The following POU6F2 variants were observed in gnomAD, a reference collection of about 807,000 sequenced individuals.
The protein encoded by POU6F2 is POU domain, class 6, transcription factor 2.
Under a neutral mutation model 71.3 loss-of-function variants are expected in POU6F2, and 31 were observed. The ratio of observed to expected loss-of-function variants is 0.43; its 90% CI spans 0.33 to 0.59. The LOEUF is 0.59. Among genes scored for constraint, POU6F2 ranks in the 20% least tolerant of loss-of-function variants. The probability of loss-of-function intolerance (pLI) is 0.04; values close to 1 mark genes in which losing one functional copy is unlikely to be tolerated. For synonymous variants in POU6F2, 347 were observed against 355.7 expected (o/e 0.98, Z 0.27); for missense variants, 783 against 856.8 (o/e 0.91, Z 1.07).
chr7:38,993,996 T>C (rs1005525817), intron 1 of POU6F2, among the ~76,000 whole-genome samples: 2 of 152,204 alleles, frequency 1.3e-5, no homozygotes, highest in Non-Finnish European at 2.9e-5. Context: ...TTTGTCCACC[T>C]AGAATTCAAA....
intron 4 of POU6F2, among the ~76,000 whole-genome samples, chr7:39,211,992 C>CTTTATCTTTA (rs1431725296): frequency 0.011 from 1,610 of 151,926 alleles, 21 homozygotes; most frequent in African/African-American, 0.037. Flanking sequence ...TTTTCTCTGT[C>CTTTATCTTTA]TCCATCATCT....
intron 4 of POU6F2, among the ~76,000 whole-genome samples, chr7:39,259,954 A>C (rs1407223033): frequency 6.6e-6 from 1 of 151,644 alleles, no homozygotes; most frequent in Non-Finnish European, 1.5e-5. Context: ...CTACACGTAC[A>C]TGCACCACAC....
At chr7:39,262,412 T>C (rs73126498) in intron 4 of POU6F2, among the ~76,000 whole-genome samples, 1,900 of 152,266 alleles carry the variant, frequency 0.012, 17 homozygotes, top group Middle Eastern at 0.031. Flanking sequence ...CAGTTTTATA[T>C]CCATTTTCTT....
intron 1 of POU6F2, among the ~76,000 whole-genome samples, chr7:39,044,916 G>T (rs563048489): frequency 1.3e-5 from 2 of 152,042 alleles, no homozygotes; most frequent in African/African-American, 4.8e-5. Flanking sequence ...GGCACAAAAG[G>T]TGATTCCTAT....
intron 4 of POU6F2, among the ~76,000 whole-genome samples, chr7:39,279,570 A>G (rs1184764534): frequency 2.0e-5 from 3 of 152,152 alleles, no homozygotes; most frequent in Non-Finnish European, 2.9e-5. Flanking sequence ...CAAGGTGTCA[A>G]CAGGGCCACA....
At chr7:39,024,907 C>T (rs973961361) in intron 1 of POU6F2, among the ~76,000 whole-genome samples, 1 of 152,054 alleles carries the variant, frequency 6.6e-6, no homozygotes, top group African/African-American at 2.4e-5. Context: ...TTCGTTTTGC[C>T]AGTATTTTAT....
At chr7:39,095,143 T>G (rs1791430296) in intron 2 of POU6F2, among the ~76,000 whole-genome samples, 2 of 152,202 alleles carry the variant, frequency 1.3e-5, no homozygotes, top group African/African-American at 4.8e-5. Flanking sequence ...GGGAAAACTT[T>G]CACAAACTTT....
Position 39,112,775 on chromosome 7 carries a change from A to G in POU6F2, c.277+26744A>G, listed in dbSNP as rs75714615. ...ATTAATTAGGCTTGGCTACGTAGCT[A>G]TATAATAACTGTGTGCTGAAAGGAT... On this transcript the variant is annotated intron_variant, in intron 2 of 9. Transcript: ENST00000518318. 4.8e-4 allele frequency among the ~76,000 whole-genome samples: 73 copies of G among 152,316 alleles called. 2 individuals are homozygous for G. In the East Asian group the frequency reaches 0.012, roughly 25 times the overall value.
At chr7:39,204,196 G>A (rs756188621) in intron 2 of POU6F2, 39 bp from the exon 3 acceptor site, 29 of 1,554,232 alleles carry the variant, frequency 1.9e-5, no homozygotes, top group Non-Finnish European at 2.4e-5. Flanking sequence ...TCCCAAGCTG[G>A]ATCATATATT....
At chr7:39,016,525 C>T (rs949170189) in intron 1 of POU6F2, among the ~76,000 whole-genome samples, 1 of 151,828 alleles carries the variant, frequency 6.6e-6, no homozygotes, top group East Asian at 1.9e-4. Flanking sequence ...AGCACTGGAG[C>T]ATTTTAAAAG....
chr7:39,349,745 ACT>A (rs1321608728), intron 5 of POU6F2, among the ~76,000 whole-genome samples: 2 of 151,998 alleles, frequency 1.3e-5, no homozygotes, highest in African/African-American at 4.8e-5. Context: ...TTAAAAATAG[ACT>A]CTCAGAATCA....
At chr7:38,996,416 G>A (rs1788740592) in intron 1 of POU6F2, among the ~76,000 whole-genome samples, 1 of 148,414 alleles carries the variant, frequency 6.7e-6, no homozygotes. Flanking sequence ...ACTTGCTATT[G>A]CATCCTCCTT....
chr7:39,252,825 C>A (rs1310095910), intron 4 of POU6F2, among the ~76,000 whole-genome samples: 3 of 152,196 alleles, frequency 2.0e-5, no homozygotes, highest in Non-Finnish European at 4.4e-5. Flanking sequence ...TAGAAAACGG[C>A]ACCCCCAAAC....
At chr7:39,229,459 AC>A (rs1161783025) in intron 4 of POU6F2, among the ~76,000 whole-genome samples, 1 of 152,194 alleles carries the variant, frequency 6.6e-6, no homozygotes, top group Non-Finnish European at 1.5e-5. Flanking sequence ...GTCCCAATGC[AC>A]TTGCTCATCC....
At chr7:39,107,711 T>C (rs1195182690) in intron 2 of POU6F2, among the ~76,000 whole-genome samples, 1 of 152,024 alleles carries the variant, frequency 6.6e-6, no homozygotes, top group Non-Finnish European at 1.5e-5. Flanking sequence ...GCATAAGTAA[T>C]GCAGTGTCCT....
intron 5 of POU6F2, among the ~76,000 whole-genome samples, chr7:39,401,051 C>T (rs957285591): frequency 1.3e-5 from 2 of 152,220 alleles, no homozygotes; most frequent in African/African-American, 4.8e-5. Flanking sequence ...GAGGAGGGGC[C>T]AGGCTCCTCC....
chr7:39,291,647 C>T (rs575799230), intron 4 of POU6F2, among the ~76,000 whole-genome samples: 1 of 152,252 alleles, frequency 6.6e-6, no homozygotes, highest in Non-Finnish European at 1.5e-5. Flanking sequence ...CTCTGCAGTG[C>T]TTTAGAGAGA....
intron 1 of POU6F2, among the ~76,000 whole-genome samples, chr7:39,062,754 T>C (rs1340982333): frequency 6.6e-6 from 1 of 150,604 alleles, no homozygotes; most frequent in African/African-American, 2.4e-5. Context: ...AGAAAAAATA[T>C]TAGAAGATAC....
intron 1 of POU6F2, among the ~76,000 whole-genome samples, chr7:39,050,967 T>C (rs1200103213): frequency 6.6e-6 from 1 of 152,108 alleles, no homozygotes; most frequent in Admixed American, 6.6e-5. Context: ...TTGGAGAAAA[T>C]ATTTGGTGAC....
Sources: allele counts gnomAD v4.1 joint callset (sites outside exome capture counted in the v4.1 genomes callset), GRCh38; gene constraint gnomAD v4.1.1; transcripts MANE v1.5; gene names NCBI Gene and HGNC (gene_info 2026-07-23, HGNC 2026-07-21).